Variants in B4GALT5 observed in about 807,000 individuals in gnomAD.
B4GALT5 encodes UDP-Gal:beta-GlcNAc beta-1,4-galactosyltransferase 5.
In B4GALT5, 11 loss-of-function variants were observed where a neutral mutation model predicts 45.0. The ratio of observed to expected loss-of-function variants is 0.24; its 90% CI spans 0.15 to 0.40. The LOEUF (loss-of-function observed/expected upper bound fraction) is 0.40. Ranked by LOEUF, B4GALT5 falls within the 10% of genes least tolerant of loss-of-function variation. B4GALT5 has a pLI of 1.00. For missense variants in B4GALT5, 337 were observed against 500.2 expected, an observed-to-expected ratio of 0.67 and a Z score of 3.11; for synonymous variants, 185 against 182.9, an observed-to-expected ratio of 1.01 and a Z score of -0.09.
rs766946700 is a variant in B4GALT5 at position 49,640,534 on chromosome 20, A to G, written c.738T>C (p.Tyr246=). Residue 246 remains tyrosine (Y), a synonymous_variant, in exon 6 of 9, where the codon TAT becomes TAC. Transcript: ENST00000371711. Reference sequence around the variant, plus strand: ...AATGCCTCGGCATCTGTCCACATCCATAATAGTTGCGATCACTTTCCGGTA... The same window carrying G: ...AATGCCTCGGCATCTGTCCACATCCGTAATAGTTGCGATCACTTTCCGGTA... ...DHIPESDRNY[Y]GCGQMPRHFA... is the part of the protein sequence containing the mutation. The G allele has an allele frequency of 1.5e-5, 25 of 1,613,680 alleles. No homozygotes were observed. The highest frequency in any genetic ancestry group is 1.6e-4 in the Middle Eastern group (1 of 6,084).
Position 49,713,566 on chromosome 20 carries a change from C to T in B4GALT5, c.115+10G>A. On this transcript the variant is annotated intron_variant, in intron 1 of 8. Transcript: ENST00000371711. Reference sequence around the variant, plus strand: ...GCGGCAGCCGCCGCGGTCCCAAGCCCCCTTCCTACCTATGCCGGGCGCCAC... The same window carrying T: ...GCGGCAGCCGCCGCGGTCCCAAGCCTCCTTCCTACCTATGCCGGGCGCCAC... The T allele has an allele frequency of 6.4e-7, 1 of 1,566,164 alleles. No homozygotes were observed. The highest frequency in any genetic ancestry group is 8.6e-7 in the Non-Finnish European group (1 of 1,156,474).
At chr20:49,700,068 C>T (rs1268075818) in intron 1 of B4GALT5, among the ~76,000 whole-genome samples, 2 of 152,182 alleles carry the variant, frequency 1.3e-5, no homozygotes, top group African/African-American at 4.8e-5. Flanking sequence ...TAACCATTTG[C>T]CTCCTATCTA....
At chr20:49,669,696 CAAAA>C (rs535974379) in intron 1 of B4GALT5, among the ~76,000 whole-genome samples, 5 of 94,794 alleles carry the variant, frequency 5.3e-5, no homozygotes, top group Non-Finnish European at 6.6e-5. Flanking sequence ...AACTCCACCT[CAAAA>C]AAAAAAAAAA....
chr20:49,640,466 A>G lies in B4GALT5; in HGVS notation c.794+12T>C, dbSNP rs2085572082. ...GATTTAACCTCTTTAATTAAGAAGA[A>G]ATGATACTCACAGATACATATACTT... On this transcript the variant is annotated intron_variant, in intron 6 of 8. Transcript: ENST00000371711. 4 of 1,556,940 alleles carry G rather than the reference A, an allele frequency of 2.6e-6. No individual in the cohort carries two copies. In the African/African-American group the frequency reaches 5.5e-5, roughly 22 times the overall value.
At chr20:49,653,836 A>G (rs2085631680) in intron 2 of B4GALT5, among the ~76,000 whole-genome samples, 1 of 152,238 alleles carries the variant, frequency 6.6e-6, no homozygotes, top group South Asian at 2.1e-4. Flanking sequence ...TGAGAATAAA[A>G]GTACACCAAG....
At chr20:49,695,097 C>CTT (rs763721449) in intron 1 of B4GALT5, among the ~76,000 whole-genome samples, 67 of 135,704 alleles carry the variant, frequency 4.9e-4, no homozygotes, top group African/African-American at 1.3e-3. Flanking sequence ...TCATTAGGTT[C>CTT]TTTTTTTTTT....
chr20:49,677,743 T>C (rs556559963), intron 1 of B4GALT5, among the ~76,000 whole-genome samples: 1 of 152,258 alleles, frequency 6.6e-6, no homozygotes, highest in African/African-American at 2.4e-5. Flanking sequence ...CTTTGATTGA[T>C]TGATTGATTG....
At chr20:49,669,430 C>T (rs1466680015) in intron 1 of B4GALT5, among the ~76,000 whole-genome samples, 2 of 152,156 alleles carry the variant, frequency 1.3e-5, no homozygotes, top group African/African-American at 2.4e-5. Flanking sequence ...GGCGTGGTTG[C>T]TCACACCTGT....
Position 49,635,710 on chromosome 20 carries a change from CAAG to C in B4GALT5, c.*599_*601del, listed in dbSNP as rs1198250857. On this transcript the variant is annotated 3_prime_UTR_variant, in exon 9 of 9. Coordinates refer to ENST00000371711, the MANE Select transcript of B4GALT5 (RefSeq NM_004776.4). ...TGGCTTATTTACAATTATACTTCTTCAAGAAGTGATTGTTATATATTTATGTCT... is the reference window on the plus strand; with the variant it reads ...TGGCTTATTTACAATTATACTTCTTCAAGTGATTGTTATATATTTATGTCT... The C allele has an allele frequency of 6.6e-6, 1 of 152,614 alleles. No homozygotes were observed. The highest frequency in any genetic ancestry group is 1.5e-5 in the Non-Finnish European group (1 of 68,066). 9.5% of individuals were successfully genotyped at this position (152,614 alleles called of 1,614,324 possible).
intron 1 of B4GALT5, among the ~76,000 whole-genome samples, chr20:49,668,497 T>C (rs1438852132): frequency 1.3e-5 from 2 of 148,856 alleles, no homozygotes; most frequent in African/African-American, 5.0e-5. Context: ...CCACATAACC[T>C]CAGTATAAGC....
At chr20:49,692,786 G>T (rs962214443) in intron 1 of B4GALT5, among the ~76,000 whole-genome samples, 1 of 152,086 alleles carries the variant, frequency 6.6e-6, no homozygotes, top group African/African-American at 2.4e-5. Flanking sequence ...TACATATAAT[G>T]TAAGTTCAAT....
chr20:49,655,694 C>T (rs539486777), intron 2 of B4GALT5, among the ~76,000 whole-genome samples: 10 of 151,758 alleles, frequency 6.6e-5, no homozygotes, highest in Non-Finnish European at 1.3e-4. Flanking sequence ...TTTGGGAGGC[C>T]GAGGCAGGCA....
intron 1 of B4GALT5, among the ~76,000 whole-genome samples, chr20:49,680,752 C>T (rs1350644094): frequency 6.6e-6 from 1 of 151,640 alleles, no homozygotes; most frequent in South Asian, 2.1e-4. Flanking sequence ...GTACTTAACG[C>T]CACTAAATTG....
intron 1 of B4GALT5, among the ~76,000 whole-genome samples, chr20:49,707,708 A>G (rs980556560): frequency 6.6e-6 from 1 of 152,084 alleles, no homozygotes; most frequent in Middle Eastern, 3.2e-3. Context: ...TCGACCTCCC[A>G]GGCTCAGGTG....
chr20:49,701,769 T>C (rs913477), intron 1 of B4GALT5, among the ~76,000 whole-genome samples: 74,915 of 152,002 alleles, frequency 0.49, 18,920 homozygotes, highest in South Asian at 0.65. Context: ...TAATGGAGAT[T>C]TGGGGCTAAG....
intron 1 of B4GALT5, among the ~76,000 whole-genome samples, chr20:49,682,818 C>T (rs564152138): frequency 5.3e-4 from 81 of 152,218 alleles, no homozygotes; most frequent in Non-Finnish European, 9.1e-4. Flanking sequence ...TCTAGGCCGG[C>T]GCAGTGGCTC....
intron 3 of B4GALT5, among the ~76,000 whole-genome samples, chr20:49,646,135 G>C (rs6067164): frequency 1.4e-3 from 213 of 152,342 alleles, no homozygotes; most frequent in Admixed American, 3.5e-3. Context: ...GGAGTTCAAG[G>C]CTGCAGTTTT....
intron 1 of B4GALT5, among the ~76,000 whole-genome samples, chr20:49,661,359 T>C (rs2085664177): frequency 6.6e-6 from 1 of 152,118 alleles, no homozygotes; most frequent in Admixed American, 6.5e-5. Flanking sequence ...CTCAGCCTCC[T>C]GAGTAGCCGG....
chr20:49,712,890 G>C (rs1432136994), intron 1 of B4GALT5, among the ~76,000 whole-genome samples: 16 of 149,236 alleles, frequency 1.1e-4, no homozygotes, highest in African/African-American at 3.5e-4. Flanking sequence ...ATTAGCAGGA[G>C]ATTGAATGGG....
Sources: allele counts gnomAD v4.1 joint callset (sites outside exome capture counted in the v4.1 genomes callset), GRCh38; gene constraint gnomAD v4.1.1; transcripts MANE v1.5; gene names NCBI Gene and HGNC (gene_info 2026-07-23, HGNC 2026-07-21).